The following PTPRS variants were observed in gnomAD, a reference collection of about 807,000 sequenced individuals.
PTPRS encodes receptor-type tyrosine-protein phosphatase S.
A neutral mutation model predicts 215.3 loss-of-function variants in PTPRS; 63 were observed. The ratio of observed to expected loss-of-function variants is 0.29; its 90% CI spans 0.24 to 0.36. The LOEUF (loss-of-function observed/expected upper bound fraction) is 0.36. Among genes scored for constraint, PTPRS ranks in the 10% least tolerant of loss-of-function variants. The pLI is 1.00. For missense variants in PTPRS, 2,258 were observed against 2,825.8 expected (o/e 0.80, Z 4.56); for synonymous variants, 1,404 against 1,191.4 (o/e 1.18, Z -3.68).
chr19:5,323,656 C>T (rs1382391694), intron 1 of PTPRS, among the ~76,000 whole-genome samples: 3 of 152,030 alleles, frequency 2.0e-5, no homozygotes, highest in African/African-American at 2.4e-5. Context: ...AGAGTGAGGA[C>T]GGGGAGAGAG....
intron 21 of PTPRS, 52 bp from the exon 22 acceptor site, chr19:5,220,206 C>G (rs752765218): frequency 1.2e-6 from 2 of 1,608,586 alleles, no homozygotes; most frequent in Non-Finnish European, 1.7e-6. Context: ...AGCAACAGAG[C>G]ACGTGAAAAC....
In PTPRS at chr19:5,237,438, C is replaced by T. The variant is rs2043559355; in HGVS notation, c.1849+1481G>A. Among the ~76,000 whole-genome samples the T allele has an allele frequency of 6.6e-6, 1 of 152,240 alleles. No individual in the cohort carries two copies. Reference sequence around the variant, plus strand: ...GGTTCGCGTGGCTGGGCCGAAGCCGCTTTCTAGGTGACCGTGTAGGTCACG... The same window carrying T: ...GGTTCGCGTGGCTGGGCCGAAGCCGTTTTCTAGGTGACCGTGTAGGTCACG... On this transcript the variant is annotated intron_variant, in intron 13 of 37. Transcript: ENST00000262963. This position sits in a 1 kb window ranked among gnomAD's most constrained non-coding sequence, Gnocchi z 4.2.
chr19:5,305,939 C>CAAAAAAAAAAA lies in PTPRS; in HGVS notation c.-94-19716_-94-19706dup, dbSNP rs35165317. 1.4e-3 allele frequency among the ~76,000 whole-genome samples: 32 copies of CAAAAAAAAAAA among 22,644 alleles called. 6 individuals are homozygous for CAAAAAAAAAAA. The highest frequency in any genetic ancestry group is 1.8e-3 in the African/African-American group (8 of 4,530). 14.9% of individuals were successfully genotyped at this position (22,644 alleles called of 152,430 possible). A position where few individuals can be genotyped will look rare whatever the true frequency, so the allele number is the denominator to read the frequency against. ...TGGGCGACAGAGCAAGACTCCGTCTCAAAAAAAAAAAAAAAAAAAAAAAAA... is the reference window on the plus strand; with the variant it reads ...TGGGCGACAGAGCAAGACTCCGTCTCAAAAAAAAAAAAAAAAAAAAAAAAAAAAAAAAAAAA... On this transcript the variant is annotated intron_variant, in intron 1 of 37. Transcript: ENST00000262963.
intron 1 of PTPRS, among the ~76,000 whole-genome samples, chr19:5,303,115 G>A (rs954239434): frequency 3.3e-5 from 5 of 151,882 alleles, no homozygotes; most frequent in African/African-American, 7.3e-5. Context: ...ACAAAAAACC[G>A]TGGCTCACAG....
rs183413022 is a variant in PTPRS, at chr19:5,273,433, G to C, written c.379+9C>G. ...GTTTATCCTCCGCCCGCCCTGAGGAGCCCAATACCTCGGAGGACAGTAAGC... is the reference window on the plus strand; with the variant it reads ...GTTTATCCTCCGCCCGCCCTGAGGACCCCAATACCTCGGAGGACAGTAAGC... On this transcript the variant is annotated intron_variant, in intron 4 of 37. Coordinates refer to ENST00000262963, the MANE Select transcript of PTPRS (RefSeq NM_002850.4). 1.2e-6 allele frequency: 2 copies of C among 1,614,138 alleles called. No homozygotes were observed. The highest frequency in any genetic ancestry group is 1.1e-5 in the South Asian group (1 of 91,084).
chr19:5,266,477 G>A (rs374177042), intron 4 of PTPRS, among the ~76,000 whole-genome samples: 1 of 151,740 alleles, frequency 6.6e-6, no homozygotes, highest in African/African-American at 2.4e-5. Context: ...TTTTGAGATG[G>A]AGTCTCACTC....
At chr19:5,291,623 T>G (rs974156235) in intron 1 of PTPRS, among the ~76,000 whole-genome samples, 8 of 152,048 alleles carry the variant, frequency 5.3e-5, no homozygotes, top group African/African-American at 1.9e-4. Context: ...CCTGCAGTTC[T>G]CAGAATACAC....
At chr19:5,299,487 AAGCAGC>A (rs1277452824) in intron 1 of PTPRS, among the ~76,000 whole-genome samples, 1 of 152,188 alleles carries the variant, frequency 6.6e-6, no homozygotes, top group Admixed American at 6.6e-5. Context: ...CACCTGGCTC[AAGCAGC>A]ACCCATCACC....
At chr19:5,220,427 G>A (rs1427427727) in intron 20 of PTPRS, 74 bp from the exon 21 acceptor site, 24 of 1,248,548 alleles carry the variant, frequency 1.9e-5, no homozygotes, top group Non-Finnish European at 2.5e-5. Context: ...GGGGCAAACG[G>A]GGGAAGCCGT....
chr19:5,207,232 G>A (rs1217335610), intron 37 of PTPRS, among the ~76,000 whole-genome samples: 6 of 152,204 alleles, frequency 3.9e-5, no homozygotes, highest in Admixed American at 3.9e-4. Context: ...TGACAGGCGT[G>A]TACCACCATG....
chr19:5,238,506 C>T (rs968386965), intron 13 of PTPRS, among the ~76,000 whole-genome samples: 2 of 152,114 alleles, frequency 1.3e-5, no homozygotes, highest in Non-Finnish European at 2.9e-5. Flanking sequence ...TGATGGGGTG[C>T]GAGCCGTGAC....
chr19:5,216,789 TAAATG>T (rs1291221178), intron 25 of PTPRS, 22 bp from the exon 26 acceptor site: 28 of 1,528,520 alleles, frequency 1.8e-5, no homozygotes, highest in Non-Finnish European at 2.5e-5. Context: ...AAACAATAAA[TAAATG>T]AAAACATGCA....
intron 1 of PTPRS, among the ~76,000 whole-genome samples, chr19:5,323,860 C>T (rs893749907): frequency 3.3e-5 from 5 of 152,102 alleles, no homozygotes; most frequent in Admixed American, 3.3e-4. Flanking sequence ...TGGGGTCACA[C>T]CAGAGCAGAG....
At chr19:5,228,965 T>C (rs1485211269) in intron 16 of PTPRS, among the ~76,000 whole-genome samples, 1 of 152,090 alleles carries the variant, frequency 6.6e-6, no homozygotes, top group African/African-American at 2.4e-5. Flanking sequence ...AGAGGAGACA[T>C]ACTCACAGGA....
rs2042581750 is a variant in PTPRS at position 5,227,250 on chromosome 19, C to T, written c.2377-1406G>A. Among the ~76,000 whole-genome samples, 3 of 152,040 alleles carry T rather than the reference C, an allele frequency of 2.0e-5. No individual in the cohort carries two copies. The South Asian group carries it at 6.2e-4, about 32-fold the overall frequency. On this transcript the variant is annotated intron_variant, in intron 16 of 37. Transcript: ENST00000262963. Reference sequence around the variant, plus strand: ...TATTTTTTGTAGAGATGGGATCTTGCCATGTTGCCCAGGCTGGTCTTAAAC... The same window carrying T: ...TATTTTTTGTAGAGATGGGATCTTGTCATGTTGCCCAGGCTGGTCTTAAAC...
chr19:5,312,717 T>C (rs1209285718), intron 1 of PTPRS, among the ~76,000 whole-genome samples: 1 of 152,142 alleles, frequency 6.6e-6, no homozygotes, highest in East Asian at 1.9e-4. Context: ...ACTGCTAATA[T>C]TTATAGGTCA....
intron 1 of PTPRS, among the ~76,000 whole-genome samples, chr19:5,325,188 A>G (rs1040473676): frequency 6.6e-6 from 1 of 152,190 alleles, no homozygotes; most frequent in Non-Finnish European, 1.5e-5. Context: ...TCATCTCCAT[A>G]TTCCAGCTGA....
At chr19:5,329,301 G>A (rs935304477) in intron 1 of PTPRS, among the ~76,000 whole-genome samples, 2 of 152,028 alleles carry the variant, frequency 1.3e-5, no homozygotes, top group Non-Finnish European at 2.9e-5. Flanking sequence ...GAGAGGGAAA[G>A]TGACTTCCCC....
At chr19:5,219,074 G>C in intron 23 of PTPRS, 1 of 652,602 alleles carries the variant, frequency 1.5e-6, no homozygotes, top group Non-Finnish European at 2.6e-6. Flanking sequence ...CCCAAATCTT[G>C]CTGAGTTGAA....
Sources: allele counts gnomAD v4.1 joint callset (sites outside exome capture counted in the v4.1 genomes callset), GRCh38; gene constraint gnomAD v4.1.1; non-coding constraint Gnocchi (gnomAD v3.1); transcripts MANE v1.5; gene names NCBI Gene and HGNC (gene_info 2026-07-23, HGNC 2026-07-21).